The following ADGRF1 variants were observed in gnomAD, a reference collection of about 807,000 sequenced individuals.
ADGRF1 encodes G protein-coupled receptor 110.
Under a neutral mutation model 87.2 loss-of-function variants are expected in ADGRF1, and 85 were observed. That is an observed-to-expected ratio of 0.97 (90% confidence interval 0.82 to 1.17). ADGRF1 has a LOEUF of 1.17. Ranked by LOEUF, ADGRF1 falls within the 50% of genes most tolerant of loss-of-function variation. ADGRF1 has a pLI of 0.00. For missense variants in ADGRF1, 1,169 were observed against 1,077.2 expected, an observed-to-expected ratio of 1.09 and a Z score of -1.19; for synonymous variants, 430 against 408.8, an observed-to-expected ratio of 1.05 and a Z score of -0.63.
At position 47,025,971 on chromosome 6, in the gene ADGRF1, C is replaced by G; in HGVS notation, c.160G>C (p.Val54Leu). The G allele has an allele frequency of 1.2e-6, 2 of 1,607,190 alleles. No homozygotes were observed. Among genetic ancestry groups the G allele is most frequent in the Non-Finnish European group, 1.7e-6 (2 of 1,176,672 alleles). Reference protein sequence around the residue: ...PVEEYQLLLQVTYRDSKEKRD... With the variant: ...PVEEYQLLLQLTYRDSKEKRD... Reference sequence around the variant, plus strand: ...TTCTCCTTGGAATCTCTATAGGTCACCTGAAGCAGCAGCTGATATTCTTCG... The same window carrying G: ...TTCTCCTTGGAATCTCTATAGGTCAGCTGAAGCAGCAGCTGATATTCTTCG... The change falls in exon 4 of 15, where the codon GTG (valine) becomes CTG (leucine). Residue 54 changes from valine to leucine, a missense_variant. Physicochemically the swap from Val to Leu is conservative, Grantham distance 32. Transcript: ENST00000371253.
rs141743930 is a variant in ADGRF1, at chr6:47,028,182, T to C, written c.70-421A>G. On this transcript the variant is annotated intron_variant, in intron 2 of 14. Transcript: ENST00000371253. ...TAGCAGGCTCAATCCTGAAGCCCCATTGAGAACAGAGAAGCACAGAAGCAA... is the reference window on the plus strand; with the variant it reads ...TAGCAGGCTCAATCCTGAAGCCCCACTGAGAACAGAGAAGCACAGAAGCAA... Among the ~76,000 whole-genome samples the C allele has an allele frequency of 7.2e-3, 1,095 of 152,234 alleles. 15 individuals are homozygous for C. Among genetic ancestry groups the C allele is most frequent in the African/African-American group, 0.026 (1,064 of 41,536 alleles).
chr6:47,004,744 T>A (rs1779468642), intron 13 of ADGRF1, among the ~76,000 whole-genome samples: 1 of 152,242 alleles, frequency 6.6e-6, no homozygotes, highest in Admixed American at 6.5e-5. Context: ...AAAATCTAAA[T>A]CCCAGAATGT....
At chr6:47,031,824 A>G (rs1780440309) in intron 1 of ADGRF1, among the ~76,000 whole-genome samples, 1 of 152,132 alleles carries the variant, frequency 6.6e-6, no homozygotes, top group South Asian at 2.1e-4. Flanking sequence ...CCTCCTGGTT[A>G]CAAGTGATCC....
In ADGRF1 at chr6:47,000,057, A is replaced by G. The variant is rs1485147783; in HGVS notation, c.*165T>C. ...ATAAATCTTCTTTTCATTTAATTGA[A>G]GACAAAAGGGAGCAGTAATGAAGCC... On this transcript the variant is annotated 3_prime_UTR_variant, in exon 15 of 15. Coordinates refer to ENST00000371253, the MANE Select transcript of ADGRF1 (RefSeq NM_153840.4). 1.3e-5 allele frequency: 7 copies of G among 554,728 alleles called. No individual in the cohort carries two copies. The highest frequency in any genetic ancestry group is 3.8e-5 in the African/African-American group (2 of 52,994). The allele number at this position is 554,728 out of a possible 1,614,324, so 34.4% of individuals were successfully genotyped here. A position where few individuals can be genotyped will look rare whatever the true frequency, so the allele number is the denominator to read the frequency against.
rs1222991539 is a variant in ADGRF1, at chr6:47,009,444, G to C, written c.1991C>G (p.Thr664Arg). 1 of 1,613,910 alleles carries C rather than the reference G, an allele frequency of 6.2e-7. No individual in the cohort carries two copies. The highest frequency in any genetic ancestry group is 2.2e-5 in the East Asian group (1 of 44,848). ...GAACAAAGAGAGGTAGAAGAAGTGTGTAAAGAACACAGCAGCTGTGCAGAC... is the reference window on the plus strand; with the variant it reads ...GAACAAAGAGAGGTAGAAGAAGTGTCTAAAGAACACAGCAGCTGTGCAGAC... ...SGVCTAAVFF[T>R]HFFYLSLFFW... is the part of the protein sequence containing the mutation. Residue 664 changes from threonine to arginine, a missense_variant, in exon 11 of 15, where the codon ACA becomes AGA. Coordinates refer to ENST00000371253, the MANE Select transcript of ADGRF1 (RefSeq NM_153840.4).
intron 4 of ADGRF1, among the ~76,000 whole-genome samples, chr6:47,024,593 C>T (rs1355336256): frequency 3.3e-5 from 5 of 152,194 alleles, no homozygotes; most frequent in South Asian, 4.1e-4. Context: ...GGATTACAGG[C>T]GTGAGCCACC....
At chr6:47,027,591 A>T (rs1251014772) in intron 3 of ADGRF1, 113 bp downstream of exon 3, 2 of 673,162 alleles carry the variant, frequency 3.0e-6, no homozygotes, top group African/African-American at 3.6e-5. Flanking sequence ...ACATATTTGG[A>T]TGTTTAATAA....
At chr6:47,004,707 C>T (rs1056066794) in intron 13 of ADGRF1, among the ~76,000 whole-genome samples, 17 of 152,276 alleles carry the variant, frequency 1.1e-4, no homozygotes, top group Admixed American at 3.9e-4. Flanking sequence ...ACTTCTGGTT[C>T]GAGTGATTTT....
intron 7 of ADGRF1, chr6:47,019,637 T>C: frequency 2.2e-6 from 1 of 457,850 alleles, no homozygotes; most frequent in Middle Eastern, 1.1e-3. Context: ...TGAGCCGAGA[T>C]CGTGCCACTG....
chr6:47,018,700 C>A, intron 7 of ADGRF1: 1 of 740,162 alleles, frequency 1.4e-6, no homozygotes, highest in Non-Finnish European at 2.0e-6. Context: ...TCATTTGAGG[C>A]CAGGAGTTCA....
At chr6:47,004,925 C>T (rs1202703083) in intron 13 of ADGRF1, among the ~76,000 whole-genome samples, 1 of 152,202 alleles carries the variant, frequency 6.6e-6, no homozygotes, top group African/African-American at 2.4e-5. Flanking sequence ...CCGTAATTCA[C>T]AGCAGTGCTG....
In ADGRF1 at chr6:47,025,887, G is replaced by A. The variant is rs746596593; in HGVS notation, c.244C>T (p.Leu82=). The A allele has an allele frequency of 4.4e-6, 7 of 1,608,694 alleles. No homozygotes were observed. In the Admixed American group the frequency reaches 5.0e-5, roughly 12 times the overall value. The part of the protein sequence containing the change: ...LKPPLLWSHG[L]IRIIRAKATT... ...GCCTTTGCTCTGATAATTCTAATTAGCCCATGTGACCATAATAATGGAGGC... is the reference window on the plus strand; with the variant it reads ...GCCTTTGCTCTGATAATTCTAATTAACCCATGTGACCATAATAATGGAGGC... The change falls in exon 4 of 15, where the codon CTA becomes TTA. Residue 82 remains leucine, a synonymous_variant. Transcript: ENST00000371253.
At chr6:47,018,194 C>T (rs767833035) in intron 7 of ADGRF1, 9 of 324,190 alleles carry the variant, frequency 2.8e-5, no homozygotes. Flanking sequence ...AGTGCCCGAG[C>T]TCAAGTAATA....
chr6:47,027,774 A>G lies in ADGRF1; in HGVS notation c.70-13T>C, dbSNP rs757167677. 2 of 1,437,560 alleles carry G rather than the reference A, an allele frequency of 1.4e-6. No homozygotes were observed. The highest frequency in any genetic ancestry group is 3.4e-5 in the Admixed American group (2 of 59,394). The allele number at this position is 1,437,560 out of a possible 1,614,324, so 89.1% of individuals were successfully genotyped here. A position where few individuals can be genotyped will look rare whatever the true frequency, so the allele number is the denominator to read the frequency against. ...TGCCATCATTTTTCTGTTAAAAAGA[A>G]AAAAAATAGTTACGGTGAGACTTTG... On this transcript the variant is annotated splice_polypyrimidine_tract_variant and intron_variant, in intron 2 of 14. Coordinates refer to ENST00000371253, the MANE Select transcript of ADGRF1 (RefSeq NM_153840.4).
chr6:47,026,647 T>C (rs1028991372), intron 3 of ADGRF1, among the ~76,000 whole-genome samples: 1 of 151,748 alleles, frequency 6.6e-6, no homozygotes, highest in Admixed American at 6.6e-5. Context: ...ATCCTATGAG[T>C]CTTCTCCCAT....
chr6:47,024,156 A>G lies in ADGRF1; in HGVS notation c.339T>C (p.Pro113=), dbSNP rs1442899813. The G allele has an allele frequency of 6.2e-7, 1 of 1,614,058 alleles. No homozygotes were observed. The highest frequency in any genetic ancestry group is 1.7e-4 in the Middle Eastern group (1 of 6,048). The change falls in exon 5 of 15, where the codon CCT becomes CCC. Residue 113 remains proline (P), a synonymous_variant. Coordinates refer to ENST00000371253, the MANE Select transcript of ADGRF1 (RefSeq NM_153840.4). ...AGTTCTGGGGATCAAGGCATGAGGGAGGAAACCAGGTGTAGCTGTCTTCAC... is the reference window on the plus strand; with the variant it reads ...AGTTCTGGGGATCAAGGCATGAGGGGGGAAACCAGGTGTAGCTGTCTTCAC... ...CTCEDSYTWF[P]PSCLDPQNCY...
intron 1 of ADGRF1, among the ~76,000 whole-genome samples, chr6:47,033,950 G>A: frequency 6.6e-6 from 1 of 152,190 alleles, no homozygotes; most frequent in East Asian, 1.9e-4. Context: ...CCTCTGGAAG[G>A]ACAGTAATTT....
chr6:47,007,258 T>C lies in ADGRF1; in HGVS notation c.2527A>G (p.Ser843Gly). 2 of 1,543,888 alleles carry C rather than the reference T, an allele frequency of 1.3e-6. No homozygotes were observed. Among genetic ancestry groups the C allele is most frequent in the Non-Finnish European group, 1.8e-6 (2 of 1,119,542 alleles). The change falls in exon 12 of 15, where the codon AGT becomes GGT. Residue 843 changes from serine to glycine, a missense_variant. Transcript: ENST00000371253. ...FILCFGILLD[S>G]KLRQLLFNKL... ...AGAGAAATAAATACACATACCTTACTGTCCAAGAGTATTCCAAAGCATAAG... is the reference window on the plus strand; with the variant it reads ...AGAGAAATAAATACACATACCTTACCGTCCAAGAGTATTCCAAAGCATAAG...
intron 9 of ADGRF1, chr6:47,012,592 G>T (rs1779740700): frequency 1.0e-5 from 9 of 878,172 alleles, no homozygotes; most frequent in Non-Finnish European, 1.2e-5. Flanking sequence ...TGTTCAATGA[G>T]ATTTAATGAC....
Sources: allele counts gnomAD v4.1 joint callset (sites outside exome capture counted in the v4.1 genomes callset), GRCh38; gene constraint gnomAD v4.1.1; transcripts MANE v1.5; gene names NCBI Gene and HGNC (gene_info 2026-07-23, HGNC 2026-07-21).